The following GPAM variants were observed in gnomAD, a reference collection of about 807,000 sequenced individuals.
GPAM encodes glycerol-3-phosphate acyltransferase 1, mitochondrial.
Under a neutral mutation model 105.0 loss-of-function variants are expected in GPAM, and 56 were observed. The observed-to-expected ratio is 0.53, with a 90% confidence interval of 0.43 to 0.67. The LOEUF (loss-of-function observed/expected upper bound fraction) is 0.67. Among genes scored for constraint, GPAM ranks in the 30% least tolerant of loss-of-function variants. The pLI is 0.00. For missense variants in GPAM, 855 were observed against 989.8 expected, an observed-to-expected ratio of 0.86 and a Z score of 1.83; for synonymous variants, 368 against 354.4, an observed-to-expected ratio of 1.04 and a Z score of -0.43.
intron 1 of GPAM, among the ~76,000 whole-genome samples, chr10:112,214,153 G>A (rs929804066): frequency 6.6e-6 from 1 of 152,124 alleles, no homozygotes; most frequent in African/African-American, 2.4e-5. Flanking sequence ...GGCTAACAAA[G>A]CAGGGACGAT....
chr10:112,211,219 C>T (rs7895952), intron 1 of GPAM, among the ~76,000 whole-genome samples: 24,987 of 152,064 alleles, frequency 0.16, 2,772 homozygotes, highest in African/African-American at 0.3. Context: ...TTCCTCCTGC[C>T]GTCCTTGAGT....
chr10:112,176,073 C>T (rs1301568257), intron 5 of GPAM, among the ~76,000 whole-genome samples: 2 of 152,148 alleles, frequency 1.3e-5, no homozygotes, highest in Non-Finnish European at 2.9e-5. Context: ...ATAAACCATA[C>T]AGCTTATATT....
At chr10:112,191,488 A>C (rs1847658112) in intron 1 of GPAM, among the ~76,000 whole-genome samples, 1 of 152,190 alleles carries the variant, frequency 6.6e-6, no homozygotes, top group African/African-American at 2.4e-5. Context: ...GTAGTTAAGA[A>C]ATTAGCTTGA....
chr10:112,153,912 A>G (rs1488026232), intron 21 of GPAM: 3 of 429,118 alleles, frequency 7.0e-6, no homozygotes, highest in Admixed American at 7.4e-5. Flanking sequence ...AACATTAACT[A>G]TATTCTAAAA....
rs1846939210 is a variant in GPAM at position 112,152,598 on chromosome 10, G to A, written c.*952C>T. ...AAAGCCCTCATCAGCTGTGGCCAGAGAACTGTATTCTAACAGTCTGTCAGC... is the reference window on the plus strand; with the variant it reads ...AAAGCCCTCATCAGCTGTGGCCAGAAAACTGTATTCTAACAGTCTGTCAGC... On this transcript the variant is annotated 3_prime_UTR_variant, in exon 22 of 22. Coordinates refer to ENST00000348367, the MANE Select transcript of GPAM (RefSeq NM_001244949.2). The A allele has an allele frequency of 3.9e-5, 38 of 985,408 alleles. No individual in the cohort carries two copies. The highest frequency in any genetic ancestry group is 5.2e-4 in the Middle Eastern group (1 of 1,912). 61.0% of individuals were successfully genotyped at this position (985,408 alleles called of 1,614,324 possible).
chr10:112,217,445 T>A (rs1001752969), upstream of GPAM, among the ~76,000 whole-genome samples: 1 of 152,086 alleles, frequency 6.6e-6, no homozygotes, highest in Non-Finnish European at 1.5e-5. Context: ...TGTTTGTTTT[T>A]TTTTTTTGTG....
At chr10:112,158,060 A>C (rs1253523119) in intron 18 of GPAM, among the ~76,000 whole-genome samples, 2 of 152,170 alleles carry the variant, frequency 1.3e-5, no homozygotes, top group East Asian at 3.8e-4. Context: ...CCTCCCAAGT[A>C]GCTGGGATTA....
chr10:112,178,761 C>T (rs749884821), intron 4 of GPAM, among the ~76,000 whole-genome samples: 2 of 152,158 alleles, frequency 1.3e-5, no homozygotes, highest in Non-Finnish European at 2.9e-5. Context: ...AAATCCCTGA[C>T]ACAAAAGAGT....
chr10:112,178,875 G>A (rs1430633565), intron 4 of GPAM, among the ~76,000 whole-genome samples: 1 of 152,088 alleles, frequency 6.6e-6, no homozygotes, highest in South Asian at 2.1e-4. Flanking sequence ...CTAAATAACT[G>A]TCCATTTAAT....
chr10:112,220,203 A>G (rs556727070), upstream of GPAM, among the ~76,000 whole-genome samples: 24 of 152,172 alleles, frequency 1.6e-4, no homozygotes, highest in South Asian at 4.2e-4. Flanking sequence ...TGGATCCCCA[A>G]CCAATCAGCA....
At chr10:112,208,257 G>C (rs1220478887) in intron 1 of GPAM, among the ~76,000 whole-genome samples, 1 of 152,196 alleles carries the variant, frequency 6.6e-6, no homozygotes, top group Non-Finnish European at 1.5e-5. Flanking sequence ...CTAAGTGGAA[G>C]CTGGTGACCT....
At chr10:112,193,884 G>A (rs1399847357) in intron 1 of GPAM, among the ~76,000 whole-genome samples, 2 of 152,190 alleles carry the variant, frequency 1.3e-5, no homozygotes, top group Non-Finnish European at 2.9e-5. Flanking sequence ...AAGAGGAAAT[G>A]CTATTCCTTT....
In GPAM at chr10:112,160,887, G is replaced by T. The variant is rs201843503; in HGVS notation, c.1495-19C>A. On this transcript the variant is annotated intron_variant, in intron 15 of 21. Coordinates refer to ENST00000348367, the MANE Select transcript of GPAM (RefSeq NM_001244949.2). ...CAATTCCCTAAAGAAAGATGGAAAC[G>T]GTATCATGATGGTGGAAAACCTACT... 3.1e-6 allele frequency: 5 copies of T among 1,608,942 alleles called. No homozygotes were observed. The South Asian group carries it at 5.5e-5, about 18-fold the overall frequency.
chr10:112,215,647 G>A (rs1466958653), upstream of GPAM, among the ~76,000 whole-genome samples: 1 of 152,204 alleles, frequency 6.6e-6, no homozygotes, highest in African/African-American at 2.4e-5. Flanking sequence ...TCTCAGCGGA[G>A]GTGTCCACAG....
chr10:112,210,685 GCTAA>G (rs1242135394), intron 1 of GPAM, among the ~76,000 whole-genome samples: 2 of 152,216 alleles, frequency 1.3e-5, no homozygotes, highest in Non-Finnish European at 2.9e-5. Context: ...GGGGCCTGAG[GCTAA>G]CTAAGCATTT....
chr10:112,166,633 CA>C (rs1379933074), intron 11 of GPAM, 118 bp from the exon 12 acceptor site: 4 of 736,530 alleles, frequency 5.4e-6, no homozygotes, highest in Non-Finnish European at 9.8e-6. Flanking sequence ...TGAAGAAGAA[CA>C]ATGAATGAAG....
chr10:112,206,832 T>TAA (rs1564691219), intron 1 of GPAM, among the ~76,000 whole-genome samples: 2 of 136,532 alleles, frequency 1.5e-5, no homozygotes, highest in African/African-American at 6.6e-5. Context: ...AAAAAAAAAT[T>TAA]TAAAAAAAAA....
chr10:112,198,417 C>T (rs1463988263), intron 1 of GPAM, among the ~76,000 whole-genome samples: 1 of 152,190 alleles, frequency 6.6e-6, no homozygotes, highest in Admixed American at 6.5e-5. Context: ...GTCTTTAAAG[C>T]AGTAGTTCCT....
At chr10:112,169,579 G>C (rs1284932400) in intron 9 of GPAM, among the ~76,000 whole-genome samples, 1 of 152,140 alleles carries the variant, frequency 6.6e-6, no homozygotes, top group African/African-American at 2.4e-5. Context: ...TTGATATGAA[G>C]TTGAAACTGT....
Sources: gnomAD v4.1 joint callset for allele counts (sites outside exome capture counted in the v4.1 genomes callset) on GRCh38, gnomAD v4.1.1 for gene constraint, MANE v1.5 for transcripts, NCBI Gene and HGNC (gene_info 2026-07-23, HGNC 2026-07-21) for gene names.